Variants in DCSTAMP observed in about 807,000 individuals in gnomAD.
DCSTAMP encodes dendrocyte expressed seven transmembrane protein.
In DCSTAMP, 25 loss-of-function variants were observed where a neutral mutation model predicts 33.8. That is an observed-to-expected ratio of 0.74 (90% CI 0.54 to 1.03). The LOEUF (loss-of-function observed/expected upper bound fraction) is 1.03, where lower values mean the gene tolerates loss of function less well. Ranked by LOEUF, DCSTAMP falls within the 50% of genes least tolerant of loss-of-function variation. The pLI, the probability that DCSTAMP is intolerant of heterozygous loss-of-function variation, is 0.00. For synonymous variants in DCSTAMP, 245 were observed against 216.7 expected, an observed-to-expected ratio of 1.13 and a Z score of -1.15; for missense variants, 531 against 556.8, an observed-to-expected ratio of 0.95 and a Z score of 0.47.
intron 3 of DCSTAMP, 86 bp downstream of exon 3, chr8:104,355,271 T>C (rs1810591881): frequency 2.9e-6 from 4 of 1,377,872 alleles, no homozygotes; most frequent in Non-Finnish European, 3.9e-6. Context: ...AAGCATTTAA[T>C]GCTTCAACTT....
At chr8:104,347,480 C>T (rs1038431858) in intron 1 of DCSTAMP, among the ~76,000 whole-genome samples, 1 of 152,190 alleles carries the variant, frequency 6.6e-6, no homozygotes, top group South Asian at 2.1e-4. Context: ...GACATTTCAG[C>T]CTCTCAACCT....
Position 104,348,950 on chromosome 8 carries a change from G to A in DCSTAMP, c.398G>A (p.Ser133Asn), listed in dbSNP as rs1270734936. 3.1e-6 allele frequency: 5 copies of A among 1,614,092 alleles called. No homozygotes were observed. In the East Asian group the frequency reaches 6.7e-5, roughly 22 times the overall value. ...ATGACTTGCAACCTAAGGGCAAAGA[G>A]CTTTTCCATACATTTTCCACTTTTG... The part of the protein sequence containing the change: ...DGMTCNLRAK[S>N]FSIHFPLLKK... The change falls in exon 2 of 4, where the codon AGC becomes AAC. Residue 133 changes from serine (S) to asparagine (N), a missense_variant. Ser to Asn is a conservative substitution (Grantham distance 46). Coordinates refer to ENST00000297581, the MANE Select transcript of DCSTAMP (RefSeq NM_030788.4).
intron 2 of DCSTAMP, among the ~76,000 whole-genome samples, chr8:104,354,009 C>G (rs1810541126): frequency 6.6e-6 from 1 of 152,200 alleles, no homozygotes; most frequent in Non-Finnish European, 1.5e-5. Flanking sequence ...AGAGCTGGAT[C>G]AGCACACACT....
At chr8:104,344,181 A>T (rs1416180436) in intron 1 of DCSTAMP, among the ~76,000 whole-genome samples, 1 of 152,190 alleles carries the variant, frequency 6.6e-6, no homozygotes, top group Non-Finnish European at 1.5e-5. Flanking sequence ...GGGAGGTGTC[A>T]ATCAAAATAA....
chr8:104,349,741 G>T (rs1401976013), intron 2 of DCSTAMP, among the ~76,000 whole-genome samples, 160 bp downstream of exon 2: 1 of 152,196 alleles, frequency 6.6e-6, no homozygotes, highest in African/African-American at 2.4e-5. Flanking sequence ...AACAATTGCA[G>T]GTCAAATTGA....
intron 2 of DCSTAMP, among the ~76,000 whole-genome samples, chr8:104,353,872 A>G (rs2140478204): frequency 1.3e-5 from 2 of 152,330 alleles, no homozygotes; most frequent in Admixed American, 1.3e-4. Flanking sequence ...CTCCTTCCCC[A>G]AGGTGTTTAA....
intron 1 of DCSTAMP, among the ~76,000 whole-genome samples, chr8:104,345,937 G>A (rs1248716718): frequency 6.6e-6 from 1 of 152,216 alleles, no homozygotes; most frequent in Non-Finnish European, 1.5e-5. Context: ...GCCACTGGCA[G>A]AAGGTGTGAT....
intron 1 of DCSTAMP, among the ~76,000 whole-genome samples, chr8:104,347,294 T>C (rs1171243364): frequency 6.6e-6 from 1 of 152,184 alleles, no homozygotes; most frequent in East Asian, 1.9e-4. Flanking sequence ...GAAACTGTTC[T>C]TGGAGGGCAG....
At chr8:104,346,603 G>A (rs1413849589) in intron 1 of DCSTAMP, among the ~76,000 whole-genome samples, 1 of 152,168 alleles carries the variant, frequency 6.6e-6, no homozygotes, top group Non-Finnish European at 1.5e-5. Flanking sequence ...TTATATGTGG[G>A]ATCTGGACTC....
chr8:104,343,001 G>A (rs184175054), intron 1 of DCSTAMP, among the ~76,000 whole-genome samples: 1 of 152,334 alleles, frequency 6.6e-6, no homozygotes, highest in African/African-American at 2.4e-5. Context: ...GGCAGAGGAG[G>A]GGAGGACCCT....
chr8:104,353,642 G>A (rs1810528597), intron 2 of DCSTAMP, among the ~76,000 whole-genome samples: 1 of 152,264 alleles, frequency 6.6e-6, no homozygotes. Flanking sequence ...CTTCGGCACA[G>A]TGCTGGGGAA....
chr8:104,347,840 G>A (rs1383763125), intron 1 of DCSTAMP, among the ~76,000 whole-genome samples: 1 of 152,158 alleles, frequency 6.6e-6, no homozygotes, highest in Non-Finnish European at 1.5e-5. Context: ...ATGGTAAAAG[G>A]GACCCTGCAA....
At position 104,349,137 on chromosome 8, in the gene DCSTAMP, C is replaced by G; in HGVS notation, c.585C>G (p.Ser195Arg). The G allele has an allele frequency of 1.2e-6, 2 of 1,614,160 alleles. No homozygotes were observed. Among genetic ancestry groups the G allele is most frequent in the Non-Finnish European group, 1.7e-6 (2 of 1,180,024 alleles). The part of the protein sequence containing the change: ...QLNDSKGEVL[S>R]VLYQMATTTE... ...ATGACAGCAAAGGGGAAGTCCTGAG[C>G]GTCTTGTACCAGATGGCAACAACCA... Residue 195 changes from serine to arginine, a missense_variant, in exon 2 of 4, where the codon AGC becomes AGG. By Grantham distance (110) the Ser-to-Arg change is moderately radical. Transcript: ENST00000297581.
At chr8:104,356,096 C>T (rs1156900439) in intron 3 of DCSTAMP, 28 bp from the exon 4 acceptor site, 17 of 1,597,930 alleles carry the variant, frequency 1.1e-5, no homozygotes, top group Non-Finnish European at 1.4e-5. Flanking sequence ...ACTCCAATGC[C>T]CATTTATCCA....
intron 2 of DCSTAMP, 26 bp downstream of exon 2, chr8:104,349,607 G>GT: frequency 6.3e-7 from 1 of 1,580,194 alleles, no homozygotes. Flanking sequence ...ACTTCTCATG[G>GT]TTTATCCCGG....
At chr8:104,345,415 G>A (rs1266200465) in intron 1 of DCSTAMP, among the ~76,000 whole-genome samples, 4 of 152,172 alleles carry the variant, frequency 2.6e-5, no homozygotes, top group Non-Finnish European at 4.4e-5. Context: ...AGCTTGAGCT[G>A]TAAAATAAGA....
chr8:104,345,903 T>C (rs1164835124), intron 1 of DCSTAMP, among the ~76,000 whole-genome samples: 1 of 152,206 alleles, frequency 6.6e-6, no homozygotes, highest in East Asian at 1.9e-4. Context: ...AATGGGCTTG[T>C]GATATACAGG....
chr8:104,352,197 C>G (rs141936625), intron 2 of DCSTAMP, among the ~76,000 whole-genome samples: 2 of 152,314 alleles, frequency 1.3e-5, no homozygotes, highest in Non-Finnish European at 2.9e-5. Flanking sequence ...TGCATTCACA[C>G]TTTTCCTCCC....
At position 104,349,089 on chromosome 8, in the gene DCSTAMP, C is replaced by T. The variant is rs745982203; in HGVS notation, c.537C>T (p.Ser179=). The change falls in exon 2 of 4, where the codon AGC becomes AGT. Residue 179 remains serine, a synonymous_variant. Transcript: ENST00000297581. ...QTLAVSLFSP[S]HVLEAQLNDS... is the part of the protein sequence containing the mutation. Reference sequence around the variant, plus strand: ...TGGCAGTCTCTCTTTTCAGTCCCAGCCATGTCCTGGAGGCACAGCTAAATG... The same window carrying T: ...TGGCAGTCTCTCTTTTCAGTCCCAGTCATGTCCTGGAGGCACAGCTAAATG... 1.6e-5 allele frequency: 26 copies of T among 1,613,992 alleles called. No homozygotes were observed. The highest frequency in any genetic ancestry group is 2.1e-5 in the Non-Finnish European group (25 of 1,180,052).
Sources: gnomAD v4.1 joint callset for allele counts (sites outside exome capture counted in the v4.1 genomes callset) on GRCh38, gnomAD v4.1.1 for gene constraint, MANE v1.5 for transcripts, NCBI Gene and HGNC (gene_info 2026-07-23, HGNC 2026-07-21) for gene names.